Variants in SPATA3 observed in about 807,000 individuals in gnomAD.
The protein encoded by SPATA3 is spermatogenesis associated 3.
In SPATA3, 6 loss-of-function variants were observed where a neutral mutation model predicts 5.7. That is an observed-to-expected ratio of 1.06 (90% CI 0.58 to 2.09). The LOEUF (loss-of-function observed/expected upper bound fraction) is 2.09. Among genes scored for constraint, SPATA3 ranks in the 30% most tolerant of loss-of-function variants. The probability of loss-of-function intolerance (pLI) is 0.00; values close to 1 mark genes in which losing one functional copy is unlikely to be tolerated. For synonymous variants in SPATA3, 44 were observed against 48.4 expected (o/e 0.91, Z 0.37); for missense variants, 155 against 130.4 (o/e 1.19, Z -0.92).
downstream of SPATA3, among the ~76,000 whole-genome samples, chr2:231,009,749 T>C (rs1447311184): frequency 2.6e-5 from 4 of 152,242 alleles, no homozygotes; most frequent in Non-Finnish European, 5.9e-5. Flanking sequence ...GGTTAGGTCC[T>C]GGAGGCAGAG....
chr2:231,006,750 T>C (rs989961382), downstream of SPATA3: 1 of 152,026 alleles, frequency 6.6e-6, no homozygotes, highest in Non-Finnish European at 1.5e-5. Flanking sequence ...GACAGTGACA[T>C]CTTTCCTTTT....
rs79257597 is a variant in SPATA3 at position 231,017,434 on chromosome 2, C to A, written c.*566-2286C>A. 6.9e-3 allele frequency among the ~76,000 whole-genome samples: 1,047 copies of A among 152,316 alleles called. 11 individuals are homozygous for A. The highest frequency in any genetic ancestry group is 0.024 in the African/African-American group (981 of 41,562). The stretch of plus-strand genomic sequence containing the variant: ...AGTGCCCACAAGCCTGTGAATTTCC[C>A]AGCATTCTGAGCAAGAGTCCTATAA... On this transcript the variant is annotated intron_variant, in intron 6 of 8. Transcript: ENST00000452881.
chr2:231,000,179 G>A (rs1692290202), intron 1 of SPATA3, among the ~76,000 whole-genome samples, 187 bp from the exon 2 acceptor site: 1 of 152,186 alleles, frequency 6.6e-6, no homozygotes, highest in Non-Finnish European at 1.5e-5. Flanking sequence ...TTTTGTGGGA[G>A]AACTGCCTTC....
At chr2:231,012,070 T>C (rs570468034), downstream of SPATA3, among the ~76,000 whole-genome samples, 1 of 152,312 alleles carries the variant, frequency 6.6e-6, no homozygotes, top group East Asian at 1.9e-4. Context: ...ACAGAGGAGC[T>C]GGAGGTGCCT....
At chr2:231,009,452 G>A (rs1160977911), downstream of SPATA3, among the ~76,000 whole-genome samples, 1 of 152,210 alleles carries the variant, frequency 6.6e-6, no homozygotes, top group East Asian at 1.9e-4. Flanking sequence ...ACAGTGACGG[G>A]GGGATGCTGT....
At chr2:230,996,130 C>A in intron 1 of SPATA3, 1 of 1,275,840 alleles carries the variant, frequency 7.8e-7, no homozygotes. Context: ...CAGCTGGAGG[C>A]CCAAGCCAGG....
At chr2:231,010,407 C>A (rs191862427), downstream of SPATA3, among the ~76,000 whole-genome samples, 209 of 152,362 alleles carry the variant, frequency 1.4e-3, 3 homozygotes, top group Non-Finnish European at 1.1e-3. Flanking sequence ...GCATTCCTTC[C>A]TCTGGGGCAT....
chr2:231,013,829 T>A (rs1224903040), intron 5 of SPATA3: 2 of 152,020 alleles, frequency 1.3e-5, no homozygotes, highest in Non-Finnish European at 2.9e-5. Context: ...TTAGTTAATA[T>A]CAGACATAAA....
Position 231,000,573 on chromosome 2 carries a change from C to T in SPATA3, c.962+36C>T, listed in dbSNP as rs746717847. On this transcript the variant is annotated intron_variant, in intron 2 of 2. Transcript: ENST00000645363. ...CGAGGGGCTGGAGCCTCGGGGCACA[C>T]AGTCCCCAGGGCCAGGCTCTGCCCC... 29 of 1,464,540 alleles carry T rather than the reference C, an allele frequency of 2.0e-5. No homozygotes were observed. In the African/African-American group the frequency reaches 3.0e-4, roughly 15 times the overall value. The allele number at this position is 1,464,540 out of a possible 1,614,324, so 90.7% of individuals were successfully genotyped here.
chr2:231,009,023 C>T (rs1692713743), downstream of SPATA3, among the ~76,000 whole-genome samples: 3 of 152,112 alleles, frequency 2.0e-5, no homozygotes, highest in African/African-American at 7.2e-5. Flanking sequence ...TCACTGTGCC[C>T]AGGAAAATGC....
chr2:231,002,565 G>A, intron 2 of SPATA3, 119 bp from the exon 3 acceptor site: 2 of 543,484 alleles, frequency 3.7e-6, no homozygotes, highest in Non-Finnish European at 6.4e-6. Context: ...AGTTTGGAGA[G>A]GGGGAAGATG....
downstream of SPATA3, among the ~76,000 whole-genome samples, chr2:231,008,930 AG>A (rs1692711061): frequency 6.6e-6 from 1 of 152,290 alleles, no homozygotes; most frequent in South Asian, 2.1e-4. Flanking sequence ...GATCAAGTCT[AG>A]CAGAGAGGGT....
At chr2:231,003,541 T>C (rs1692432131), downstream of SPATA3, among the ~76,000 whole-genome samples, 1 of 152,180 alleles carries the variant, frequency 6.6e-6, no homozygotes, top group Non-Finnish European at 1.5e-5. Flanking sequence ...GGAACAAGAA[T>C]GATGACACAG....
downstream of SPATA3, among the ~76,000 whole-genome samples, chr2:231,005,379 TCACCAC>T (rs1692561277): frequency 9.6e-5 from 4 of 41,584 alleles, no homozygotes; most frequent in East Asian, 9.1e-4. Context: ...ATCACCACCA[TCACCAC>T]CACCATCATC....
At chr2:231,007,400 G>A (rs577237582), downstream of SPATA3, 1 of 152,224 alleles carries the variant, frequency 6.6e-6, no homozygotes, top group East Asian at 1.9e-4. Context: ...AAGCAGAACT[G>A]GTGCCTGTCA....
chr2:231,005,127 T>TCATCACCACCAC (rs1692512515), downstream of SPATA3, among the ~76,000 whole-genome samples: 1 of 20,346 alleles, frequency 4.9e-5, no homozygotes, highest in Non-Finnish European at 1.1e-4. Context: ...ACCACCACCA[T>TCATCACCACCAC]CATCATCACC....
At chr2:231,010,623 G>T (rs529919339), downstream of SPATA3, among the ~76,000 whole-genome samples, 2 of 152,298 alleles carry the variant, frequency 1.3e-5, no homozygotes, top group South Asian at 4.1e-4. Context: ...AGCCTTGGGG[G>T]AGATGGGACT....
intron 2 of SPATA3, among the ~76,000 whole-genome samples, chr2:231,001,363 G>A (rs1294763804): frequency 2.6e-5 from 4 of 152,162 alleles, no homozygotes; most frequent in East Asian, 3.9e-4. Context: ...TCCACTTGGC[G>A]ACCTCACACC....
chr2:231,016,678 C>G (rs186267273), intron 6 of SPATA3, among the ~76,000 whole-genome samples: 28 of 151,880 alleles, frequency 1.8e-4, no homozygotes, highest in Admixed American at 4.6e-4. Context: ...GATTGAGACT[C>G]TTATCTCAAA....
Sources: gnomAD v4.1 joint callset for allele counts (sites outside exome capture counted in the v4.1 genomes callset) on GRCh38, gnomAD v4.1.1 for gene constraint, MANE v1.5 for transcripts, NCBI Gene and HGNC (gene_info 2026-07-23, HGNC 2026-07-21) for gene names.